The following B4GALT1 variants were observed in gnomAD, a reference collection of about 807,000 sequenced individuals.
B4GALT1 encodes beta-1,4-galactosyltransferase 1.
A neutral mutation model predicts 34.9 loss-of-function variants in B4GALT1; 16 were observed. The observed-to-expected ratio is 0.46, with a 90% CI of 0.31 to 0.70. The LOEUF (loss-of-function observed/expected upper bound fraction) is 0.70, where lower values mean the gene tolerates loss of function less well. B4GALT1 is among the 30% of genes least tolerant of loss of function. B4GALT1 has a pLI of 0.05. For missense variants in B4GALT1, 445 were observed against 530.5 expected (o/e 0.84, Z 1.58); for synonymous variants, 221 against 218.1 (o/e 1.01, Z -0.12).
At chr9:33,167,900 T>C (rs2118361267), upstream of B4GALT1, among the ~76,000 whole-genome samples, 1 of 152,296 alleles carries the variant, frequency 6.6e-6, no homozygotes, top group African/African-American at 2.4e-5. Context: ...TGGACCCCGC[T>C]GCTTAACGGG....
At chr9:33,151,634 T>G (rs1311974156) in intron 1 of B4GALT1, among the ~76,000 whole-genome samples, 1 of 152,210 alleles carries the variant, frequency 6.6e-6, no homozygotes, top group Non-Finnish European at 1.5e-5. Flanking sequence ...ATGTTCTTAT[T>G]GAGCTAATAG....
chr9:33,145,191 C>T (rs1840408192), intron 1 of B4GALT1, among the ~76,000 whole-genome samples: 1 of 152,062 alleles, frequency 6.6e-6, no homozygotes, highest in Admixed American at 6.6e-5. Context: ...CTACAGCCAC[C>T]ACCCCCCAAC....
chr9:33,163,670 G>C (rs1156620180), intron 1 of B4GALT1, among the ~76,000 whole-genome samples: 1 of 152,212 alleles, frequency 6.6e-6, no homozygotes, highest in Non-Finnish European at 1.5e-5. Context: ...AACATGACGG[G>C]GGAAGAAGCC....
intron 2 of B4GALT1, among the ~76,000 whole-genome samples, chr9:33,105,533 A>G (rs1281986222): frequency 1.3e-5 from 2 of 152,166 alleles, no homozygotes; most frequent in African/African-American, 4.8e-5. Flanking sequence ...CATAAAGTAC[A>G]TTCATATTGT....
At chr9:33,183,337 A>G in the B4GALT1 span, among the ~76,000 whole-genome samples, 1 of 151,450 alleles carries the variant, frequency 6.6e-6, no homozygotes, top group East Asian at 1.9e-4. Context: ...ATGCACACGT[A>G]TGTTTATTGC....
At chr9:33,106,704 T>A (rs980708938), downstream of B4GALT1, among the ~76,000 whole-genome samples, 1 of 152,034 alleles carries the variant, frequency 6.6e-6, no homozygotes, top group Non-Finnish European at 1.5e-5. Context: ...CAGGAAGGGG[T>A]GATCCTGCTG....
chr9:33,136,008 G>A (rs752015247), intron 1 of B4GALT1, among the ~76,000 whole-genome samples: 51 of 152,014 alleles, frequency 3.4e-4, no homozygotes, highest in Non-Finnish European at 6.2e-4. Context: ...AGTGGCATGA[G>A]TGCCCATGTC....
At chr9:33,150,122 G>GAT (rs992596252) in intron 1 of B4GALT1, among the ~76,000 whole-genome samples, 4 of 73,476 alleles carry the variant, frequency 5.4e-5, no homozygotes, top group South Asian at 4.3e-4. Context: ...GGTAAAAGGA[G>GAT]ATATATATAG....
rs1296980083 is a variant in B4GALT1, at chr9:33,113,580, G to A, written c.1071C>T (p.Asp357=). The change falls in exon 6 of 6, where the codon GAC becomes GAT. Residue 357 remains aspartate, a synonymous_variant. Transcript: ENST00000379731. ...KKNEPNPQRF[D]RIAHTKETML... ...TTGTCTCCTTTGTGTGTGCAATTCG[G>A]TCAAACCTACAAGGAAAAGAGCACA... The A allele has an allele frequency of 2.5e-6, 4 of 1,614,054 alleles. No homozygotes were observed. The highest frequency in any genetic ancestry group is 3.4e-6 in the Non-Finnish European group (4 of 1,180,046).
In B4GALT1 at chr9:33,120,476, T is replaced by C. The variant is rs1404567097; in HGVS notation, c.779A>G (p.Tyr260Cys). The C allele has an allele frequency of 6.2e-7, 1 of 1,613,996 alleles. No homozygotes were observed. Among genetic ancestry groups the C allele is most frequent in the Non-Finnish European group, 8.5e-7 (1 of 1,180,050 alleles). ...GTGCCGTGGCTGTGAAAAACACCTG[T>C]ACGCATTATGGTCATTCATTGGAAT... ...DLIPMNDHNAYRCFSQPRHIS... is the reference protein window; with the variant it reads ...DLIPMNDHNACRCFSQPRHIS... The change falls in exon 3 of 6, where the codon TAC becomes TGC. Residue 260 changes from tyrosine to cysteine, a missense_variant. Physicochemically the swap from Tyr to Cys is radical, Grantham distance 194. Around this residue, in one of 3 missense-constraint regions of B4GALT1, gnomAD observed 349 missense variants for 395.5 expected, o/e 0.88. Transcript: ENST00000379731.
At chr9:33,104,711 T>C in exon 3 of B4GALT1, 1 of 454,418 alleles carries the variant, frequency 2.2e-6, no homozygotes, top group Non-Finnish European at 4.4e-6. Flanking sequence ...CTAACCACCA[T>C]GCGCTGCCAC....
intron 1 of B4GALT1, among the ~76,000 whole-genome samples, chr9:33,139,978 G>T (rs796220931): frequency 1.1e-4 from 17 of 152,270 alleles, no homozygotes; most frequent in Non-Finnish European, 2.4e-4. Flanking sequence ...GCCCCGCCAC[G>T]TGGGCCTCTC....
chr9:33,135,994 C>G (rs916626238), intron 1 of B4GALT1, among the ~76,000 whole-genome samples: 1 of 150,652 alleles, frequency 6.6e-6, no homozygotes, highest in African/African-American at 2.5e-5. Flanking sequence ...TGGAAGGTAG[C>G]AGGAGTGGCA....
chr9:33,140,354 A>C (rs7864705), intron 1 of B4GALT1, among the ~76,000 whole-genome samples: 56,541 of 152,058 alleles, frequency 0.37, 11,230 homozygotes, highest in East Asian at 0.59. Flanking sequence ...GGTGTTTTTT[A>C]ATTAAACTAA....
chr9:33,135,911 A>G (rs10114471), intron 1 of B4GALT1, among the ~76,000 whole-genome samples: 44,712 of 135,728 alleles, frequency 0.33, 7,651 homozygotes, highest in African/African-American at 0.5. Context: ...GTGTGTGTGT[A>G]TGTGTGTGTG....
chr9:33,156,569 C>T (rs1840597115), intron 1 of B4GALT1, among the ~76,000 whole-genome samples: 1 of 152,210 alleles, frequency 6.6e-6, no homozygotes, highest in Non-Finnish European at 1.5e-5. Context: ...AAGGACAGAA[C>T]TGGCAATTCA....
Position 33,120,359 on chromosome 9 carries a change from T to C in B4GALT1, c.836+60A>G. 5 of 1,591,924 alleles carry C rather than the reference T, an allele frequency of 3.1e-6. No individual in the cohort carries two copies. In the Admixed American group the frequency reaches 5.0e-5, roughly 16 times the overall value. On this transcript the variant is annotated intron_variant, in intron 3 of 5. Transcript: ENST00000379731. ...CACTCTTGAGCTGCCAGGACTGCAT[T>C]TCCTAGTCAACACATGAGAGAGACA...
At chr9:33,139,127 T>C (rs760197907) in intron 1 of B4GALT1, among the ~76,000 whole-genome samples, 4 of 152,186 alleles carry the variant, frequency 2.6e-5, no homozygotes, top group Non-Finnish European at 5.9e-5. Context: ...TCAAGACCAC[T>C]TTCAATTTGT....
At chr9:33,178,652 A>G in the B4GALT1 span, among the ~76,000 whole-genome samples, 17 of 152,158 alleles carry the variant, frequency 1.1e-4, no homozygotes, top group Non-Finnish European at 2.5e-4. Context: ...TTCCAGCAAC[A>G]TCTATACCCA....
Sources: gnomAD v4.1 joint callset for allele counts (sites outside exome capture counted in the v4.1 genomes callset) on GRCh38, gnomAD v4.1.1 for gene constraint, gnomAD v4.1.1 regional missense constraint, MANE v1.5 for transcripts, NCBI Gene and HGNC (gene_info 2026-07-23, HGNC 2026-07-21) for gene names.